The following MAF variants were observed in gnomAD, a reference collection of about 807,000 sequenced individuals.
MAF encodes the protein transcription factor Maf.
A neutral mutation model predicts 22.0 loss-of-function variants in MAF; 10 were observed. That is an observed-to-expected ratio of 0.45 (90% CI 0.28 to 0.77). The LOEUF (loss-of-function observed/expected upper bound fraction) is 0.77, where lower values mean the gene tolerates loss of function less well. MAF is among the 30% of genes least tolerant of loss of function. The pLI, the probability that MAF is intolerant of heterozygous loss-of-function variation, is 0.12. For synonymous variants in MAF, 337 were observed against 255.8 expected (o/e 1.32, Z -3.03); for missense variants, 544 against 548.4 (o/e 0.99, Z 0.08).
the MAF span, among the ~76,000 whole-genome samples, chr16:79,462,958 T>G: frequency 5.9e-5 from 9 of 152,250 alleles, no homozygotes; most frequent in Middle Eastern, 3.4e-3. Flanking sequence ...GATAGGGGAT[T>G]AGAGGGTGGT....
the MAF span, among the ~76,000 whole-genome samples, chr16:79,496,184 T>C: frequency 2.0e-5 from 3 of 152,262 alleles, no homozygotes; most frequent in South Asian, 6.2e-4. Flanking sequence ...AGTAGCTAAC[T>C]AGTACGTGTC....
At chr16:79,326,643 TTC>T in the MAF span, among the ~76,000 whole-genome samples, 1 of 152,200 alleles carries the variant, frequency 6.6e-6, no homozygotes, top group Non-Finnish European at 1.5e-5. Context: ...CACATACGGT[TTC>T]TGTTGCAACT....
chr16:79,449,714 G>A, the MAF span, among the ~76,000 whole-genome samples: 1 of 152,226 alleles, frequency 6.6e-6, no homozygotes, highest in South Asian at 2.1e-4. Context: ...CTGGGATTCA[G>A]TTTCTCCATG....
At chr16:79,336,483 C>A in the MAF span, among the ~76,000 whole-genome samples, 1 of 152,152 alleles carries the variant, frequency 6.6e-6, no homozygotes, top group Non-Finnish European at 1.5e-5. Flanking sequence ...GGAAAACAGT[C>A]AGAAATCCTA....
the MAF span, among the ~76,000 whole-genome samples, chr16:79,302,901 A>G: frequency 3.3e-5 from 5 of 152,258 alleles, no homozygotes; most frequent in Non-Finnish European, 7.3e-5. Flanking sequence ...TGGGAACATA[A>G]GCTGCTAAAA....
chr16:79,231,283 G>A, the MAF span, among the ~76,000 whole-genome samples: 2 of 152,034 alleles, frequency 1.3e-5, no homozygotes, highest in Admixed American at 6.6e-5. Flanking sequence ...TGCACACAGG[G>A]AGATGCCACA....
the MAF span, among the ~76,000 whole-genome samples, chr16:79,538,505 A>C: frequency 3.3e-5 from 5 of 152,246 alleles, no homozygotes; most frequent in Non-Finnish European, 7.3e-5. Flanking sequence ...CTTTTCAAAC[A>C]CTAAAGCAAA....
chr16:79,490,375 G>C, the MAF span, among the ~76,000 whole-genome samples: 1 of 152,236 alleles, frequency 6.6e-6, no homozygotes, highest in Non-Finnish European at 1.5e-5. Context: ...CCCAAGACCT[G>C]TGTGGGCTGG....
chr16:79,587,581 T>C (rs1386216113), intron 1 of MAF, among the ~76,000 whole-genome samples: 1 of 152,128 alleles, frequency 6.6e-6, no homozygotes, highest in Non-Finnish European at 1.5e-5. Context: ...TTACATGAGA[T>C]CATATACTTG....
the MAF span, among the ~76,000 whole-genome samples, chr16:79,403,667 C>G: frequency 6.6e-6 from 1 of 152,200 alleles, no homozygotes; most frequent in Admixed American, 6.5e-5. Context: ...GCAAGGCTCA[C>G]ACCATGGTGA....
the MAF span, among the ~76,000 whole-genome samples, chr16:79,244,219 A>C: frequency 6.6e-6 from 1 of 152,074 alleles, no homozygotes; most frequent in Non-Finnish European, 1.5e-5. Context: ...TGGCCAGGAC[A>C]ATCAGACAAG....
chr16:79,226,477 T>A, the MAF span, among the ~76,000 whole-genome samples: 2 of 152,030 alleles, frequency 1.3e-5, no homozygotes, highest in Admixed American at 6.6e-5. Context: ...TGTATACCTA[T>A]GTAAAAACCT....
chr16:79,517,803 G>A, the MAF span, among the ~76,000 whole-genome samples: 30 of 152,060 alleles, frequency 2.0e-4, no homozygotes, highest in Non-Finnish European at 3.7e-4. Context: ...TCAAACTTCT[G>A]ACCTCAAGTG....
the MAF span, among the ~76,000 whole-genome samples, chr16:79,406,345 C>A: frequency 6.6e-6 from 1 of 152,186 alleles, no homozygotes; most frequent in Non-Finnish European, 1.5e-5. Flanking sequence ...GGCTGCTATA[C>A]CAGGATATCA....
At chr16:79,360,735 C>G in the MAF span, among the ~76,000 whole-genome samples, 3 of 152,130 alleles carry the variant, frequency 2.0e-5, no homozygotes, top group South Asian at 6.2e-4. Flanking sequence ...GCATTTCAAT[C>G]ATTTTCAGAG....
chr16:79,417,948 G>C, the MAF span, among the ~76,000 whole-genome samples: 1 of 152,204 alleles, frequency 6.6e-6, no homozygotes, highest in African/African-American at 2.4e-5. Context: ...CTTCACCCCG[G>C]AGAGTTTCCC....
chr16:79,369,049 C>G, the MAF span, among the ~76,000 whole-genome samples: 1 of 152,208 alleles, frequency 6.6e-6, no homozygotes, highest in Non-Finnish European at 1.5e-5. Context: ...GCTCTTAGAA[C>G]AGTGTTGGAC....
At chr16:79,495,514 T>C in the MAF span, among the ~76,000 whole-genome samples, 1 of 152,200 alleles carries the variant, frequency 6.6e-6, no homozygotes, top group Non-Finnish European at 1.5e-5. Flanking sequence ...CTGAGAGTTT[T>C]AGAAGCTCTC....
chr16:79,520,499 G>A, the MAF span, among the ~76,000 whole-genome samples: 1 of 152,112 alleles, frequency 6.6e-6, no homozygotes, highest in Non-Finnish European at 1.5e-5. Context: ...GTGTGTGTGT[G>A]TGCTTGCATG....
Sources: gnomAD v4.1 joint callset for allele counts (sites outside exome capture counted in the v4.1 genomes callset) on GRCh38, gnomAD v4.1.1 for gene constraint, MANE v1.5 for transcripts, NCBI Gene and HGNC (gene_info 2026-07-23, HGNC 2026-07-21) for gene names.